EDC3: variants seen among roughly 807,000 people sequenced by gnomAD.
The protein encoded by EDC3 is enhancer of mRNA decapping 3.
A neutral mutation model predicts 41.8 loss-of-function variants in EDC3; 20 were observed. That is an observed-to-expected ratio of 0.48 (90% CI 0.34 to 0.70). EDC3 has a LOEUF of 0.70. Among genes scored for constraint, EDC3 ranks in the 30% least tolerant of loss-of-function variants. The pLI is 0.01. For synonymous variants in EDC3, 206 were observed against 243.2 expected (o/e 0.85, Z 1.42); for missense variants, 444 against 636.8 (o/e 0.70, Z 3.26).
chr15:74,647,048 C>T (rs1246798211), intron 4 of EDC3, among the ~76,000 whole-genome samples: 4 of 147,946 alleles, frequency 2.7e-5, no homozygotes, highest in Admixed American at 2.0e-4. Context: ...CTCGTTCTGT[C>T]GCCCAGGCTG....
chr15:74,651,017 T>TA (rs1171216299), intron 4 of EDC3, among the ~76,000 whole-genome samples: 2 of 151,318 alleles, frequency 1.3e-5, no homozygotes, highest in East Asian at 1.9e-4. Flanking sequence ...TAATAAAATT[T>TA]AAAAAAAAAT....
chr15:74,641,462 CA>C (rs1168387407), intron 4 of EDC3: 1 of 152,686 alleles, frequency 6.5e-6, no homozygotes, highest in East Asian at 1.9e-4. Flanking sequence ...GCACCAGTGT[CA>C]ACATACCAGG....
chr15:74,650,834 C>A (rs543727207), intron 4 of EDC3, among the ~76,000 whole-genome samples: 24 of 152,094 alleles, frequency 1.6e-4, no homozygotes, highest in African/African-American at 5.5e-4. Context: ...CCCATCTCTA[C>A]TAAAAATACA....
intron 5 of EDC3, chr15:74,639,758 C>A (rs1025589466): frequency 2.0e-5 from 3 of 152,056 alleles, no homozygotes; most frequent in African/African-American, 4.8e-5. Flanking sequence ...CTTGCTTGCC[C>A]CTGTTAATCA....
rs1036480899 is a variant in EDC3 at position 74,632,354 on chromosome 15, G to A, written c.*258C>T. On this transcript the variant is annotated 3_prime_UTR_variant, in exon 7 of 7. Coordinates refer to ENST00000315127, the MANE Select transcript of EDC3 (RefSeq NM_025083.5). The surrounding 1 kb of genome is among the most constrained non-coding windows in gnomAD (Gnocchi z 4.0). ...ACGGCTGTAAACAAAGGCCCACCTG[G>A]CCGTGCAGGGGGCTGAGGGTAGAGA... is the stretch of plus-strand genomic sequence containing the variant. The A allele has an allele frequency of 3.2e-5, 17 of 537,816 alleles. No individual in the cohort carries two copies. Among genetic ancestry groups the A allele is most frequent in the Non-Finnish European group, 5.4e-5 (16 of 299,040 alleles). The allele number at this position is 537,816 out of a possible 1,614,324, so 33.3% of individuals were successfully genotyped here. A position where few individuals can be genotyped will look rare whatever the true frequency, so the allele number is the denominator to read the frequency against.
At chr15:74,660,142 G>A (rs2141624832) in intron 3 of EDC3, among the ~76,000 whole-genome samples, 1 of 152,078 alleles carries the variant, frequency 6.6e-6, no homozygotes, top group East Asian at 1.9e-4. Flanking sequence ...GGAGGTCATG[G>A]CTGCAGTGAG....
chr15:74,635,669 C>A (rs1478219739), intron 5 of EDC3, 43 bp from the exon 6 acceptor site: 1 of 1,557,262 alleles, frequency 6.4e-7, no homozygotes, highest in Admixed American at 1.7e-5. Flanking sequence ...ACATACTTGC[C>A]AATCCCTTGC....
At chr15:74,651,711 T>G (rs888655446) in intron 4 of EDC3, among the ~76,000 whole-genome samples, 3 of 152,228 alleles carry the variant, frequency 2.0e-5, no homozygotes, top group Non-Finnish European at 4.4e-5. Flanking sequence ...GCGGGAGCTC[T>G]CCAAGTTACT....
chr15:74,660,145 G>A (rs1309023694), intron 3 of EDC3, among the ~76,000 whole-genome samples: 1 of 152,018 alleles, frequency 6.6e-6, no homozygotes, highest in Non-Finnish European at 1.5e-5. Context: ...GGTCATGGCT[G>A]CAGTGAGCCA....
intron 3 of EDC3, among the ~76,000 whole-genome samples, chr15:74,669,474 T>C (rs1050287019): frequency 4.0e-5 from 6 of 150,316 alleles, no homozygotes; most frequent in African/African-American, 1.5e-4. Flanking sequence ...ATCACACCAC[T>C]GCACTCCAGC....
intron 4 of EDC3, among the ~76,000 whole-genome samples, chr15:74,649,460 T>C (rs1462112246): frequency 6.6e-6 from 1 of 152,108 alleles, no homozygotes; most frequent in African/African-American, 2.4e-5. Flanking sequence ...GGTTCAGTTA[T>C]ACTCAGAGGC....
At chr15:74,690,373 A>ACT (rs1303032718) in intron 1 of EDC3, among the ~76,000 whole-genome samples, 5 of 151,466 alleles carry the variant, frequency 3.3e-5, no homozygotes, top group African/African-American at 1.2e-4. Context: ...AGCGCTAAAC[A>ACT]CTCTTCCATC....
intron 4 of EDC3, chr15:74,641,566 C>G (rs891031813): frequency 2.6e-5 from 4 of 153,044 alleles, no homozygotes; most frequent in African/African-American, 9.7e-5. Context: ...CCAATGCCAT[C>G]TTACAAATGC....
At chr15:74,695,515 T>C (rs1419028202) in intron 1 of EDC3, 1 of 152,138 alleles carries the variant, frequency 6.6e-6, no homozygotes, top group East Asian at 1.9e-4. Flanking sequence ...GCACTGGCGT[T>C]CTTCTCTGCC....
Position 74,665,401 on chromosome 15 carries a change from A to G in EDC3, c.484+6054T>C, listed in dbSNP as rs1318995903. On this transcript the variant is annotated intron_variant, in intron 3 of 6. Coordinates refer to ENST00000315127, the MANE Select transcript of EDC3 (RefSeq NM_025083.5). Reference sequence around the variant, plus strand: ...TTAAATTTTTATTCAACTGCATGTTACAATGACTATTCAAGCTCATAGACT... The same window carrying G: ...TTAAATTTTTATTCAACTGCATGTTGCAATGACTATTCAAGCTCATAGACT... 2.0e-5 allele frequency among the ~76,000 whole-genome samples: 3 copies of G among 152,364 alleles called. No individual in the cohort carries two copies. The East Asian group carries it at 5.8e-4, about 29-fold the overall frequency.
chr15:74,656,214 A>G, intron 3 of EDC3, 146 bp from the exon 4 acceptor site: 2 of 754,890 alleles, frequency 2.6e-6, no homozygotes, highest in Non-Finnish European at 4.2e-6. Context: ...ATTAAGTAGC[A>G]CAAACAACAA....
At position 74,635,423 on chromosome 15, in the gene EDC3, A is replaced by C; in HGVS notation, c.1178T>G (p.Val393Gly). The stretch of plus-strand genomic sequence containing the variant: ...TAAGTGCTCACCTTTGAGGCTAGAC[A>C]CTTGTTGGCCTTGGGTCTTGCTGAA... ...SLFSKTQGQQVSSLKDLPTSP... is the reference protein window; with the variant it reads ...SLFSKTQGQQGSSLKDLPTSP... The change falls in exon 6 of 7, where the codon GTG (valine) becomes GGG (glycine). Residue 393 changes from valine to glycine, a missense_variant. Physicochemically the swap from Val to Gly is moderately radical, Grantham distance 109. This residue lies in a region of EDC3 where 242 missense variants were observed against 363.8 expected (regional missense o/e 0.67). Transcript: ENST00000315127. 1 of 1,614,218 alleles carries C rather than the reference A, an allele frequency of 6.2e-7. No homozygotes were observed. Among genetic ancestry groups the C allele is most frequent in the Non-Finnish European group, 8.5e-7 (1 of 1,180,024 alleles).
intron 4 of EDC3, chr15:74,644,251 AT>A (rs1185391225): frequency 1.3e-5 from 2 of 152,234 alleles, no homozygotes; most frequent in Non-Finnish European, 2.9e-5. Context: ...TGGTTCCTAA[AT>A]TCTCCAAGTT....
Position 74,655,877 on chromosome 15 carries a change from C to A in EDC3, c.676G>T (p.Glu226Ter). The part of the protein sequence containing the change: ...AAVFEEIDTY[E>*]RRSGTRSRGI... The stretch of plus-strand genomic sequence containing the variant: ...CGGGAACGGGTACCACTTCTCCTTT[C>A]ATAGGTATCAATCTCCTCAAACACA... Residue 226 changes from glutamate (E) to a stop codon, truncating the protein, a stop_gained, in exon 4 of 7, where the codon GAA (glutamate) becomes TAA (stop). Transcript: ENST00000315127. LOFTEE classifies it high-confidence loss of function. 6.2e-7 allele frequency: 1 copy of A among 1,614,130 alleles called. No homozygotes were observed. The highest frequency in any genetic ancestry group is 8.5e-7 in the Non-Finnish European group (1 of 1,180,038).
Sources: allele counts gnomAD v4.1 joint callset (sites outside exome capture counted in the v4.1 genomes callset), GRCh38; gene constraint gnomAD v4.1.1; regional missense constraint gnomAD v4.1.1; non-coding constraint Gnocchi (gnomAD v3.1); transcripts MANE v1.5; gene names NCBI Gene and HGNC (gene_info 2026-07-23, HGNC 2026-07-21).